Variants in TBXAS1 observed in about 807,000 individuals in gnomAD.
TBXAS1 encodes thromboxane A synthase 1.
A neutral mutation model predicts 60.7 loss-of-function variants in TBXAS1; 48 were observed. The observed-to-expected ratio is 0.79, with a 90% CI of 0.63 to 1.01. TBXAS1 has a LOEUF of 1.01. Among genes scored for constraint, TBXAS1 ranks in the 50% least tolerant of loss-of-function variants. The pLI, the probability that TBXAS1 is intolerant of heterozygous loss-of-function variation, is 0.00. For synonymous variants in TBXAS1, 287 were observed against 269.7 expected (o/e 1.06, Z -0.63); for missense variants, 685 against 686.3 (o/e 1.00, Z 0.02).
chr7:139,806,799 C>T (rs1245194008), intron 4 of TBXAS1, among the ~76,000 whole-genome samples: 1 of 152,164 alleles, frequency 6.6e-6, no homozygotes, highest in Non-Finnish European at 1.5e-5. Flanking sequence ...GCTCCATTCT[C>T]AGTTGTTCTT....
At chr7:139,899,460 T>C (rs1804402771) in intron 3 of TBXAS1, among the ~76,000 whole-genome samples, 1 of 152,222 alleles carries the variant, frequency 6.6e-6, no homozygotes, top group Non-Finnish European at 1.5e-5. Flanking sequence ...TTTAACTGAC[T>C]GGTCAGTTTC....
At chr7:139,966,878 C>T (rs1056561268) in intron 9 of TBXAS1, among the ~76,000 whole-genome samples, 2 of 152,308 alleles carry the variant, frequency 1.3e-5, no homozygotes, top group South Asian at 4.1e-4. Context: ...ACCCCTCCCC[C>T]ACCCCTGCTG....
chr7:139,860,566 T>C (rs985082240), intron 1 of TBXAS1, among the ~76,000 whole-genome samples: 12 of 152,116 alleles, frequency 7.9e-5, no homozygotes, highest in African/African-American at 2.7e-4. Context: ...GGGCCCTAAA[T>C]GTAATCATGA....
At chr7:139,814,663 A>G (rs1329289229) in intron 4 of TBXAS1, among the ~76,000 whole-genome samples, 1 of 152,080 alleles carries the variant, frequency 6.6e-6, no homozygotes, top group Non-Finnish European at 1.5e-5. Context: ...CAACAAGACA[A>G]AGCATGTCTA....
intron 1 of TBXAS1, among the ~76,000 whole-genome samples, chr7:139,833,383 T>G (rs1798835918): frequency 6.6e-6 from 1 of 151,846 alleles, no homozygotes; most frequent in South Asian, 2.1e-4. Context: ...GCAACAGCAG[T>G]TAAAAGAGAC....
At chr7:139,923,524 TCATGCATGCATGATA>T (rs1273213480) in intron 4 of TBXAS1, among the ~76,000 whole-genome samples, 1 of 151,444 alleles carries the variant, frequency 6.6e-6, no homozygotes, top group Non-Finnish European at 1.5e-5. Flanking sequence ...CATGCATGTA[TCATGCATGCATGATA>T]CATGCATGCA....
chr7:139,827,704 T>C (rs1289827100), upstream of TBXAS1, among the ~76,000 whole-genome samples: 1 of 152,242 alleles, frequency 6.6e-6, no homozygotes, highest in African/African-American at 2.4e-5. Flanking sequence ...AGGATTTGTT[T>C]GTCTGAAAAT....
intron 4 of TBXAS1, among the ~76,000 whole-genome samples, chr7:139,914,195 A>G (rs1261624616): frequency 1.3e-5 from 2 of 151,492 alleles, no homozygotes; most frequent in Non-Finnish European, 2.9e-5. Context: ...ATGCCTGGCT[A>G]ATTTTAAAAA....
chr7:139,829,616 C>T (rs1798578638), intron 1 of TBXAS1, 137 bp downstream of exon 1: 5 of 810,604 alleles, frequency 6.2e-6, no homozygotes, highest in Admixed American at 2.2e-5. Context: ...AACACAGCTT[C>T]AGAATTAAAA....
At chr7:139,905,663 A>G (rs776804165) in intron 3 of TBXAS1, among the ~76,000 whole-genome samples, 5 of 152,046 alleles carry the variant, frequency 3.3e-5, no homozygotes, top group African/African-American at 1.2e-4. Context: ...TTCTTTCTCT[A>G]TCTTGTGGAA....
chr7:139,969,424 A>AATCC (rs1811026943), intron 9 of TBXAS1, among the ~76,000 whole-genome samples: 1 of 145,700 alleles, frequency 6.9e-6, no homozygotes, highest in Non-Finnish European at 1.5e-5. Context: ...CAGTCAGAGG[A>AATCC]TCTCCAAGAA....
chr7:139,931,056 TACAC>T (rs1049933811), intron 4 of TBXAS1, among the ~76,000 whole-genome samples: 1 of 151,668 alleles, frequency 6.6e-6, no homozygotes, highest in African/African-American at 2.4e-5. Context: ...CACACACACA[TACAC>T]ACATACACAC....
rs77302032 is a variant in TBXAS1 at position 139,977,559 on chromosome 7, A to T, written c.1134+15326A>T. ...GGGGCTATTTCTCCATGTTACAGAC[A>T]AGGCACGTGAAGCCTAGGGACGTTC... is the stretch of plus-strand genomic sequence containing the variant. On this transcript the variant is annotated intron_variant, in intron 9 of 12. Coordinates refer to ENST00000448866, the MANE Select transcript of TBXAS1 (RefSeq NM_001061.7). Among the ~76,000 whole-genome samples, 954 of 152,274 alleles carry T rather than the reference A, an allele frequency of 6.3e-3. 20 individuals carry two copies. The East Asian group carries it at 0.085, about 14-fold the overall frequency.
At position 140,011,836 on chromosome 7, in the gene TBXAS1, C is replaced by CTATATATATATATATA. The variant is rs3831720; in HGVS notation, c.1227-3872_1227-3871insATATATATATATATAT. Among the ~76,000 whole-genome samples, 4 of 150,530 alleles carry CTATATATATATATATA rather than the reference C, an allele frequency of 2.7e-5. 1 individual carries two copies. The South Asian group carries it at 8.4e-4, about 32-fold the overall frequency. On this transcript the variant is annotated intron_variant, in intron 10 of 12. Transcript: ENST00000448866. ...TGGTTCAAATGGTCCATTTTATGTT[C>CTATATATATATATATA]TATATATATATATATCCACAATGAA...
At chr7:139,964,733 G>A (rs1810647319) in intron 9 of TBXAS1, among the ~76,000 whole-genome samples, 1 of 152,242 alleles carries the variant, frequency 6.6e-6, no homozygotes, top group Non-Finnish European at 1.5e-5. Flanking sequence ...CAATTGAGAA[G>A]CAATGTTATG....
chr7:139,811,097 G>A (rs574576296), intron 4 of TBXAS1, among the ~76,000 whole-genome samples: 27 of 152,300 alleles, frequency 1.8e-4, no homozygotes, highest in African/African-American at 6.0e-4. Flanking sequence ...ATTCAAATTC[G>A]AGGAAGTAGC....
chr7:139,798,830 G>A (rs1167768143), intron 4 of TBXAS1, among the ~76,000 whole-genome samples: 3 of 152,266 alleles, frequency 2.0e-5, no homozygotes, highest in Non-Finnish European at 4.4e-5. Flanking sequence ...TTCTGATTCC[G>A]TGTGTGAAAG....
chr7:140,011,691 G>A (rs1247964442), intron 10 of TBXAS1, among the ~76,000 whole-genome samples: 2 of 152,116 alleles, frequency 1.3e-5, no homozygotes, highest in Admixed American at 1.3e-4. Context: ...GGGAGGGGAG[G>A]GAGTTAGTGT....
At chr7:139,970,592 C>G (rs1453346872) in intron 9 of TBXAS1, among the ~76,000 whole-genome samples, 1 of 152,190 alleles carries the variant, frequency 6.6e-6, no homozygotes, top group Non-Finnish European at 1.5e-5. Flanking sequence ...TTACCTTTTG[C>G]TAATAAATCT....
Sources: gnomAD v4.1 joint callset for allele counts (sites outside exome capture counted in the v4.1 genomes callset) on GRCh38, gnomAD v4.1.1 for gene constraint, MANE v1.5 for transcripts, NCBI Gene and HGNC (gene_info 2026-07-23, HGNC 2026-07-21) for gene names.